Variants in SERPINB6 observed in about 807,000 individuals in gnomAD.
SERPINB6 encodes serpin B6.
SERPINB6 carries 16 observed loss-of-function variants against 26.1 expected under a neutral mutation model. The observed-to-expected ratio is 0.61, with a 90% CI of 0.42 to 0.93. The LOEUF (loss-of-function observed/expected upper bound fraction) is 0.93. Ranked by LOEUF, SERPINB6 falls within the 40% of genes least tolerant of loss-of-function variation. SERPINB6 has a pLI of 0.00. For synonymous variants in SERPINB6, 174 were observed against 176.6 expected (o/e 0.99, Z 0.11); for missense variants, 420 against 478.0 (o/e 0.88, Z 1.13).
At chr6:2,951,648 A>G (rs1452754684) in intron 5 of SERPINB6, among the ~76,000 whole-genome samples, 2 of 152,194 alleles carry the variant, frequency 1.3e-5, no homozygotes, top group Non-Finnish European at 2.9e-5. Context: ...TGAAATTAAA[A>G]TAAGAATCTG....
Position 2,948,836 on chromosome 6 carries a change from A to C in SERPINB6, c.729+78T>G. The C allele has an allele frequency of 6.2e-7, 1 of 1,601,196 alleles. No individual in the cohort carries two copies. The highest frequency in any genetic ancestry group is 8.5e-7 in the Non-Finnish European group (1 of 1,169,818). ...GCTCCAGTGTTAAACGGCTGACCGC[A>C]AAGTAGGGACAGCAGCCACAGCAGA... On this transcript the variant is annotated intron_variant, in intron 6 of 6. Transcript: ENST00000380539. This position sits in a 1 kb window ranked among gnomAD's most constrained non-coding sequence, Gnocchi z 5.0.
intron 2 of SERPINB6, 58 bp from the exon 3 acceptor site, chr6:2,955,728 T>C: frequency 6.3e-7 from 1 of 1,592,912 alleles, no homozygotes; most frequent in African/African-American, 1.3e-5. Context: ...CTTCAGGAAA[T>C]GGGGCAACCC....
chr6:2,968,726 T>C, intron 1 of SERPINB6: 1 of 1,231,582 alleles, frequency 8.1e-7, no homozygotes, highest in Non-Finnish European at 1.0e-6. Context: ...AACCCTTGGA[T>C]GTCAGTACAT....
intron 2 of SERPINB6, chr6:2,956,446 G>T (rs1175713364): frequency 1.3e-5 from 2 of 152,382 alleles, no homozygotes; most frequent in Admixed American, 1.3e-4. Context: ...CATGACAGAA[G>T]GAAGTCCAGG....
At chr6:2,955,836 G>A in intron 2 of SERPINB6, 166 bp from the exon 3 acceptor site, 2 of 683,410 alleles carry the variant, frequency 2.9e-6, no homozygotes. Context: ...CAGCACTTTG[G>A]GAGGCCAAGG....
At chr6:2,949,103 C>T (rs1402530906) in intron 5 of SERPINB6, 34 bp from the exon 6 acceptor site, 2 of 1,609,530 alleles carry the variant, frequency 1.2e-6, no homozygotes, top group East Asian at 4.5e-5. Context: ...CAAGTTGAAA[C>T]AAGACCCCAC....
chr6:2,970,273 T>G, intron 1 of SERPINB6: 1 of 985,634 alleles, frequency 1.0e-6, no homozygotes, highest in African/African-American at 1.7e-5. Context: ...CATGCTGAAT[T>G]GTAATAAAAT....
chr6:2,968,774 T>A lies in SERPINB6; in HGVS notation c.-11+2759A>T. The stretch of plus-strand genomic sequence containing the variant: ...AACACAAACAATGCTGGAAGTTCTG[T>A]TTACATGGAGGAAGTTCTGTTTACA... On this transcript the variant is annotated intron_variant, in intron 1 of 6. Coordinates refer to ENST00000380539, the MANE Select transcript of SERPINB6 (RefSeq NM_004568.6). 2.4e-6 allele frequency: 3 copies of A among 1,231,608 alleles called. No individual in the cohort carries two copies. In the Admixed American group the frequency reaches 1.3e-4, roughly 52 times the overall value. 76.3% of individuals were successfully genotyped at this position (1,231,608 alleles called of 1,614,324 possible). A position where few individuals can be genotyped will look rare whatever the true frequency, so the allele number is the denominator to read the frequency against.
Position 2,959,258 on chromosome 6 carries a change from C to A in SERPINB6, c.75G>T (p.Lys25Asn). The A allele has an allele frequency of 6.2e-7, 1 of 1,614,174 alleles. No homozygotes were observed. The highest frequency in any genetic ancestry group is 1.1e-5 in the South Asian group (1 of 91,076). ...LLKTLGKDNS[K>N]NVFFSPMSMS... ...TGCTCATGGGTGAGAAAAACACATT[C>A]TTCGAGTTGTCTTTACCCAGCGTTT... Residue 25 changes from lysine (K) to asparagine (N), a missense_variant, in exon 2 of 7, where the codon AAG (lysine) becomes AAT (asparagine). Physicochemically the swap from Lys to Asn is moderately conservative, Grantham distance 94 (BLOSUM62 0). Transcript: ENST00000380539.
At chr6:2,957,313 G>A (rs1038194552) in intron 2 of SERPINB6, 4 of 152,252 alleles carry the variant, frequency 2.6e-5, no homozygotes, top group African/African-American at 9.6e-5. Flanking sequence ...CATGGGAAGA[G>A]AAAGATGAAG....
chr6:2,955,806 G>T, intron 2 of SERPINB6, 136 bp from the exon 3 acceptor site: 1 of 944,786 alleles, frequency 1.1e-6, no homozygotes, highest in Non-Finnish European at 1.6e-6. Flanking sequence ...GCTGGGCGCA[G>T]CAGCTCACGC....
chr6:2,962,273 T>C, intron 1 of SERPINB6: 1 of 938,322 alleles, frequency 1.1e-6, no homozygotes, highest in South Asian at 4.9e-5. Flanking sequence ...GGGGATTTAA[T>C]TTGAAATACT....
chr6:2,965,870 G>A (rs1771576522), intron 1 of SERPINB6, among the ~76,000 whole-genome samples: 1 of 152,094 alleles, frequency 6.6e-6, no homozygotes, highest in African/African-American at 2.4e-5. Flanking sequence ...CCTGGTTCAT[G>A]GTCTTTGTGC....
chr6:2,970,598 T>C, intron 1 of SERPINB6: 1 of 1,218,592 alleles, frequency 8.2e-7, no homozygotes, highest in Non-Finnish European at 1.0e-6. Flanking sequence ...CACGAGAGCA[T>C]CCCAGAAAGC....
intron 1 of SERPINB6, chr6:2,970,689 TCTGTACCTCA>T: frequency 8.2e-7 from 1 of 1,220,474 alleles, no homozygotes; most frequent in South Asian, 4.2e-5. Flanking sequence ...TTATTAATTT[TCTGTACCTCA>T]GTTTTCCGAA....
At chr6:2,961,769 A>G in intron 1 of SERPINB6, 2 of 974,578 alleles carry the variant, frequency 2.1e-6, no homozygotes, top group Non-Finnish European at 2.4e-6. Flanking sequence ...AAACCAAAAA[A>G]AAAAGACAGA....
At chr6:2,961,660 C>G (rs1247155003) in intron 1 of SERPINB6, among the ~76,000 whole-genome samples, 1 of 152,172 alleles carries the variant, frequency 6.6e-6, no homozygotes, top group Non-Finnish European at 1.5e-5. Flanking sequence ...CACCCTGACA[C>G]GTGGGGTTTT....
intron 5 of SERPINB6, among the ~76,000 whole-genome samples, chr6:2,951,214 C>T (rs1015449174): frequency 2.6e-5 from 4 of 151,798 alleles, no homozygotes; most frequent in Non-Finnish European, 2.9e-5. Context: ...GGTGAAACCC[C>T]GTCTCTACTA....
In SERPINB6 at chr6:2,948,631, C is replaced by T. The variant is rs775874159; in HGVS notation, c.798G>A (p.Glu266=). 1.2e-6 allele frequency: 2 copies of T among 1,614,122 alleles called. No homozygotes were observed. Among genetic ancestry groups the T allele is most frequent in the Non-Finnish European group, 1.7e-6 (2 of 1,179,962 alleles). Residue 266 remains glutamate (E), a synonymous_variant, in exon 7 of 7, where the codon GAG becomes GAA. Coordinates refer to ENST00000380539, the MANE Select transcript of SERPINB6 (RefSeq NM_004568.6). This position sits in a 1 kb window ranked among gnomAD's most constrained non-coding sequence, Gnocchi z 5.0. ...WTRLDMMDEE[E]VEVSLPRFKL... ...TAAACCGCGGGAGGGACACTTCCAC[C>T]TCCTCTTCATCCATCATGTCCAGCC...
Sources: gnomAD v4.1 joint callset for allele counts (sites outside exome capture counted in the v4.1 genomes callset) on GRCh38, gnomAD v4.1.1 for gene constraint, Gnocchi (gnomAD v3.1) non-coding constraint, MANE v1.5 for transcripts, NCBI Gene and HGNC (gene_info 2026-07-23, HGNC 2026-07-21) for gene names.